The following ALMS1 variants were observed in gnomAD, a reference collection of about 807,000 sequenced individuals.
The protein encoded by ALMS1 is ALMS1 centrosome and basal body associated protein.
In ALMS1, 271 loss-of-function variants were observed where a neutral mutation model predicts 352.2. That is an observed-to-expected ratio of 0.77 (90% CI 0.70 to 0.85). The LOEUF (loss-of-function observed/expected upper bound fraction) is 0.85, where lower values mean the gene tolerates loss of function less well. Ranked by LOEUF, ALMS1 falls within the 40% of genes least tolerant of loss-of-function variation. ALMS1 has a pLI of 0.00. For missense variants in ALMS1, 5,445 were observed against 4,870.7 expected (o/e 1.12, Z -3.51); for synonymous variants, 1,865 against 1,761.2 (o/e 1.06, Z -1.48).
rs893014088 is a variant in ALMS1, at chr2:73,489,733, T to G, written c.7774T>G (p.Ser2592Ala). The G allele has an allele frequency of 5.6e-6, 9 of 1,614,032 alleles. No individual in the cohort carries two copies. The highest frequency in any genetic ancestry group is 6.8e-6 in the Non-Finnish European group (8 of 1,180,040). Residue 2592 changes from serine to alanine, a missense_variant, in exon 10 of 23, where the codon TCT (serine) becomes GCT (alanine). Transcript: ENST00000613296. Reference protein sequence around the residue: ...HEKGCFRTLTSEHPQLDRHPC... With the variant: ...HEKGCFRTLTAEHPQLDRHPC... ...AAAGGGATGTTTCCGGACTCTAACT[T>G]CTGAACATCCACAACTAGATAGACA...
intron 9 of ALMS1, among the ~76,000 whole-genome samples, chr2:73,484,812 C>G (rs1672791036): frequency 1.3e-5 from 2 of 152,192 alleles, no homozygotes; most frequent in Admixed American, 1.3e-4. Flanking sequence ...CTTCTCGCTT[C>G]ATTTCATTCA....
chr2:73,503,341 A>T (rs2103924116), intron 10 of ALMS1, among the ~76,000 whole-genome samples: 1 of 152,050 alleles, frequency 6.6e-6, no homozygotes, highest in South Asian at 2.1e-4. Flanking sequence ...GAGTGAGAAT[A>T]TGCAGTGTTT....
In ALMS1 at chr2:73,495,492, TC is replaced by T. The variant is rs1673085197; in HGVS notation, c.9539+3997del. 1.3e-5 allele frequency among the ~76,000 whole-genome samples: 2 copies of T among 152,094 alleles called. 1 individual carries two copies. The highest frequency in any genetic ancestry group is 1.3e-4 in the Admixed American group (2 of 15,274). On this transcript the variant is annotated intron_variant, in intron 10 of 22. Coordinates refer to ENST00000613296, the MANE Select transcript of ALMS1 (RefSeq NM_001378454.1). ...CTCAGGTGATCTGCCCACCTCGGCC[TC>T]CCAAAATGCTGTGATTACAGACGTG... is the stretch of plus-strand genomic sequence containing the variant.
At chr2:73,584,859 G>A (rs1424865536) in intron 16 of ALMS1, among the ~76,000 whole-genome samples, 2 of 149,250 alleles carry the variant, frequency 1.3e-5, no homozygotes, top group Non-Finnish European at 2.9e-5. Flanking sequence ...TTAGCTCCCC[G>A]TTATAAATGA....
rs561885897 is a variant in ALMS1 at position 73,599,575 on chromosome 2, A to G, written c.11668+54A>G. ...TGAAATACATTGAAATGGCTCTTAA[A>G]CATGTAAGATACTCAACCTCAATCA... is the stretch of plus-strand genomic sequence containing the variant. On this transcript the variant is annotated intron_variant, in intron 17 of 22. Transcript: ENST00000613296. 4.5e-5 allele frequency: 71 copies of G among 1,566,608 alleles called. No homozygotes were observed. The African/African-American group carries it at 8.9e-4, about 20-fold the overall frequency.
chr2:73,496,666 T>G (rs1359661383), intron 10 of ALMS1, among the ~76,000 whole-genome samples: 1 of 152,052 alleles, frequency 6.6e-6, no homozygotes, highest in East Asian at 1.9e-4. Context: ...ATACTGGTTT[T>G]TCAGAGTGTC....
chr2:73,464,264 A>T (rs959921824), intron 9 of ALMS1, among the ~76,000 whole-genome samples: 1 of 152,260 alleles, frequency 6.6e-6, no homozygotes, highest in Non-Finnish European at 1.5e-5. Flanking sequence ...AGTGGGCTTC[A>T]TCCCTGGGAT....
chr2:73,521,977 A>G lies in ALMS1; in HGVS notation c.9781+1961A>G, dbSNP rs936828763. 3.3e-5 allele frequency among the ~76,000 whole-genome samples: 5 copies of G among 152,176 alleles called. No homozygotes were observed. The South Asian group carries it at 6.2e-4, about 19-fold the overall frequency. ...AACATTTTAAGGTACAAAAAATCGT[A>G]TGTTAACTACATGACTGCTTACCCA... is the stretch of plus-strand genomic sequence containing the variant. On this transcript the variant is annotated intron_variant, in intron 11 of 22. Transcript: ENST00000613296.
At chr2:73,506,764 C>A (rs927986039) in intron 10 of ALMS1, among the ~76,000 whole-genome samples, 1 of 152,232 alleles carries the variant, frequency 6.6e-6, no homozygotes, top group African/African-American at 2.4e-5. Flanking sequence ...ATTTGAATAC[C>A]CTTTATTTCT....
chr2:73,485,860 C>G (rs1020181398), intron 9 of ALMS1, among the ~76,000 whole-genome samples: 1 of 152,172 alleles, frequency 6.6e-6, no homozygotes, highest in African/African-American at 2.4e-5. Flanking sequence ...TCACCCCTTT[C>G]TTTGACTAGG....
rs60309974 is a variant in ALMS1, at chr2:73,396,646, CTT to C, written c.324+10468_324+10469del. Among the ~76,000 whole-genome samples the C allele has an allele frequency of 1.9e-3, 204 of 104,698 alleles. 1 individual carries two copies. The highest frequency in any genetic ancestry group is 5.6e-3 in the African/African-American group (169 of 29,998). The allele number at this position is 104,698 out of a possible 152,430, so 68.7% of individuals were successfully genotyped here. On this transcript the variant is annotated intron_variant, in intron 1 of 22. Coordinates refer to ENST00000613296, the MANE Select transcript of ALMS1 (RefSeq NM_001378454.1). ...TATGGGTCTATTCAGATTGTCCATT[CTT>C]TTTTTTTTTTTTTGAGACGGAGTCT...
Position 73,534,929 on chromosome 2 carries a change from C to A in ALMS1, c.9887C>A (p.Thr3296Asn). 6.2e-7 allele frequency: 1 copy of A among 1,613,762 alleles called. No individual in the cohort carries two copies. Among genetic ancestry groups the A allele is most frequent in the Middle Eastern group, 1.7e-4 (1 of 6,058 alleles). Reference protein sequence around the residue: ...PPSPDSKSDTTVESSHSGSND... With the variant: ...PPSPDSKSDTNVESSHSGSND... ...TCTCCGGATTCCAAATCAGATACCACCGTTGAAAGCTCCCATTCAGGTATT... is the reference window on the plus strand; with the variant it reads ...TCTCCGGATTCCAAATCAGATACCAACGTTGAAAGCTCCCATTCAGGTATT... The change falls in exon 12 of 23, where the codon ACC (threonine) becomes AAC (asparagine). Residue 3296 changes from threonine (T) to asparagine (N), a missense_variant. Physicochemically the swap from Thr to Asn is moderately conservative, Grantham distance 65 (BLOSUM62 0). Coordinates refer to ENST00000613296, the MANE Select transcript of ALMS1 (RefSeq NM_001378454.1).
At chr2:73,415,718 G>T (rs1671171239) in intron 2 of ALMS1, among the ~76,000 whole-genome samples, 1 of 152,142 alleles carries the variant, frequency 6.6e-6, no homozygotes, top group Non-Finnish European at 1.5e-5. Context: ...AGTCAGTTTG[G>T]GAGTGTGATT....
At chr2:73,487,267 G>A (rs1441696243) in intron 9 of ALMS1, among the ~76,000 whole-genome samples, 1 of 152,180 alleles carries the variant, frequency 6.6e-6, no homozygotes, top group African/African-American at 2.4e-5. Context: ...GTGGTGAGGG[G>A]TGTGTGGGCA....
intron 1 of ALMS1, among the ~76,000 whole-genome samples, chr2:73,387,694 G>A (rs116669557): frequency 6.6e-6 from 1 of 152,162 alleles, no homozygotes; most frequent in Non-Finnish European, 1.5e-5. Flanking sequence ...GAAACGAGGG[G>A]ATGTATGATA....
At chr2:73,572,211 CAG>C (rs1306138401) in intron 15 of ALMS1, 49 bp from the exon 16 acceptor site, 2 of 1,461,558 alleles carry the variant, frequency 1.4e-6, no homozygotes, top group Non-Finnish European at 1.9e-6. Flanking sequence ...TATTTCTAAA[CAG>C]AATGCTAATT....
chr2:73,601,450 GACTTA>G lies in ALMS1; in HGVS notation c.12114+19_12114+23del, dbSNP rs774238290. 6 of 1,613,548 alleles carry G rather than the reference GACTTA, an allele frequency of 3.7e-6. No homozygotes were observed. Among genetic ancestry groups the G allele is most frequent in the Non-Finnish European group, 5.1e-6 (6 of 1,179,696 alleles). ...GCAACCCTTCAGGTGCAGTGACGTT[GACTTA>G]ACTTTAATGCTACGTGTAGGGAGAA... On this transcript the variant is annotated intron_variant, in intron 19 of 22. Coordinates refer to ENST00000613296, the MANE Select transcript of ALMS1 (RefSeq NM_001378454.1).
At chr2:73,543,052 C>T (rs546114605) in intron 12 of ALMS1, among the ~76,000 whole-genome samples, 12 of 151,890 alleles carry the variant, frequency 7.9e-5, no homozygotes, top group Admixed American at 2.6e-4. Context: ...GAGCCTGCAT[C>T]GCCACGTCAA....
intron 3 of ALMS1, among the ~76,000 whole-genome samples, chr2:73,421,198 C>G (rs1368914403): frequency 1.3e-5 from 2 of 152,254 alleles, no homozygotes; most frequent in East Asian, 1.9e-4. Context: ...TTACTTGTTA[C>G]TTACTATTCC....
Sources: allele counts gnomAD v4.1 joint callset (sites outside exome capture counted in the v4.1 genomes callset), GRCh38; gene constraint gnomAD v4.1.1; transcripts MANE v1.5; gene names NCBI Gene and HGNC (gene_info 2026-07-23, HGNC 2026-07-21).